PIK3C2A: variants seen among roughly 807,000 people sequenced by gnomAD.
PIK3C2A encodes phosphatidylinositol-4-phosphate 3-kinase catalytic subunit type 2 alpha.
PIK3C2A carries 97 observed loss-of-function variants against 204.5 expected under a neutral mutation model. The ratio of observed to expected loss-of-function variants is 0.47; its 90% CI spans 0.40 to 0.56. The LOEUF (loss-of-function observed/expected upper bound fraction) is 0.56. Ranked by LOEUF, PIK3C2A falls within the 20% of genes least tolerant of loss-of-function variation. The pLI, the probability that PIK3C2A is intolerant of heterozygous loss-of-function variation, is 0.00. For missense variants in PIK3C2A, 1,735 were observed against 1,969.2 expected (o/e 0.88, Z 2.25); for synonymous variants, 653 against 664.4 (o/e 0.98, Z 0.26).
At chr11:17,146,425 A>G (rs1449127090) in intron 6 of PIK3C2A, among the ~76,000 whole-genome samples, 1 of 152,092 alleles carries the variant, frequency 6.6e-6, no homozygotes, top group Non-Finnish European at 1.5e-5. Context: ...CAAGAACATC[A>G]TTCCTGACAG....
intron 22 of PIK3C2A, 51 bp from the exon 23 acceptor site, chr11:17,105,356 C>T (rs1848776130): frequency 6.9e-7 from 1 of 1,456,500 alleles, no homozygotes; most frequent in Non-Finnish European, 9.4e-7. Flanking sequence ...CAAAGTAAGC[C>T]TTTAAACATT....
chr11:17,125,200 G>A (rs536393663), intron 13 of PIK3C2A, among the ~76,000 whole-genome samples: 6 of 152,224 alleles, frequency 3.9e-5, no homozygotes, highest in East Asian at 3.9e-4. Flanking sequence ...CAAAAAAGGC[G>A]GCACTGATGA....
intron 1 of PIK3C2A, among the ~76,000 whole-genome samples, chr11:17,185,702 C>T (rs1049723448): frequency 1.4e-4 from 22 of 152,170 alleles, no homozygotes; most frequent in Non-Finnish European, 2.9e-4. Flanking sequence ...GTCACTATAT[C>T]AGATACTTAC....
chr11:17,117,570 A>G lies in PIK3C2A; in HGVS notation c.3137T>C (p.Leu1046Pro). The G allele has an allele frequency of 6.2e-7, 1 of 1,613,882 alleles. No individual in the cohort carries two copies. The highest frequency in any genetic ancestry group is 8.5e-7 in the Non-Finnish European group (1 of 1,179,814). The change falls in exon 19 of 33, where the codon CTT (leucine) becomes CCT (proline). Residue 1046 changes from leucine (L) to proline (P), a missense_variant. Around this residue, in one of 6 missense-constraint regions of PIK3C2A, gnomAD observed 567 missense variants for 576.0 expected, o/e 0.98. Coordinates refer to ENST00000691414, the MANE Select transcript of PIK3C2A (RefSeq NM_002645.4). ...CTGTACAAGTTTCGTCTGTTTTAGA[A>G]GTTCTTCTCTAAGTCGTTTTCCTCC... ...SVGGKRLREELLKQTKLVQLL... is the reference protein window; with the variant it reads ...SVGGKRLREEPLKQTKLVQLL...
At chr11:17,195,242 G>T (rs545290714) in intron 1 of PIK3C2A, among the ~76,000 whole-genome samples, 177 of 149,754 alleles carry the variant, frequency 1.2e-3, no homozygotes, top group African/African-American at 4.1e-3. Flanking sequence ...GTGAAACCCT[G>T]TCTCTACTAA....
intron 27 of PIK3C2A, among the ~76,000 whole-genome samples, chr11:17,095,393 G>A (rs543166223): frequency 2.0e-5 from 3 of 148,324 alleles, no homozygotes; most frequent in African/African-American, 7.4e-5. Context: ...GGCTAACATG[G>A]TGAAATCCTG....
At chr11:17,093,719 C>A (rs903903514) in intron 28 of PIK3C2A, among the ~76,000 whole-genome samples, 5 of 151,738 alleles carry the variant, frequency 3.3e-5, no homozygotes, top group Non-Finnish European at 2.9e-5. Context: ...CTCACTGCAA[C>A]CTCCACATCC....
chr11:17,191,139 A>G (rs913116483), intron 1 of PIK3C2A, among the ~76,000 whole-genome samples: 3 of 152,206 alleles, frequency 2.0e-5, no homozygotes, highest in African/African-American at 4.8e-5. Context: ...GTCTGTTCCT[A>G]AAGAAACCAT....
At chr11:17,154,932 T>C (rs554902726) in intron 3 of PIK3C2A, among the ~76,000 whole-genome samples, 1 of 152,200 alleles carries the variant, frequency 6.6e-6, no homozygotes, top group East Asian at 1.9e-4. Flanking sequence ...TATAGTGATA[T>C]AATGGGAAGA....
At chr11:17,183,471 T>C (rs564595426) in intron 1 of PIK3C2A, among the ~76,000 whole-genome samples, 50 of 151,630 alleles carry the variant, frequency 3.3e-4, no homozygotes, top group African/African-American at 1.2e-3. Flanking sequence ...AGGTCAGGAG[T>C]TTGAGACCAG....
chr11:17,168,334 C>T (rs1340435592), intron 2 of PIK3C2A, among the ~76,000 whole-genome samples: 1 of 152,186 alleles, frequency 6.6e-6, no homozygotes, highest in Non-Finnish European at 1.5e-5. Flanking sequence ...GTAATCTCAG[C>T]ACTTTGGGAG....
chr11:17,203,230 T>C (rs1565312253), intron 1 of PIK3C2A, among the ~76,000 whole-genome samples: 1 of 151,942 alleles, frequency 6.6e-6, no homozygotes, highest in South Asian at 2.1e-4. Context: ...CAGTGGCTCA[T>C]GCCTGTAATC....
intron 1 of PIK3C2A, among the ~76,000 whole-genome samples, chr11:17,183,430 C>T (rs573097016): frequency 6.6e-6 from 1 of 152,244 alleles, no homozygotes; most frequent in East Asian, 1.9e-4. Flanking sequence ...AATCCCAGAA[C>T]TTTGGGAGGC....
rs66708666 is a variant in PIK3C2A, at chr11:17,089,650, AGTGTGT to A, written c.*82_*87del. 3 of 698,910 alleles carry A rather than the reference AGTGTGT, an allele frequency of 4.3e-6. No homozygotes were observed. The highest frequency in any genetic ancestry group is 5.5e-5 in the Admixed American group (2 of 36,212). The allele number at this position is 698,910 out of a possible 1,614,324, so 43.3% of individuals were successfully genotyped here. On this transcript the variant is annotated 3_prime_UTR_variant, in exon 33 of 33. Transcript: ENST00000691414. ...ATAAAAATACTATACAAAATTAACA[AGTGTGT>A]GTGTGTGTGTCTGTGTGTGTGTGCA...
rs770450569 is a variant in PIK3C2A at position 17,155,600 on chromosome 11, T to G, written c.1095A>C (p.Pro365=). 19 of 1,607,590 alleles carry G rather than the reference T, an allele frequency of 1.2e-5. No individual in the cohort carries two copies. In the Admixed American group the frequency reaches 3.2e-4, roughly 27 times the overall value. Residue 365 remains proline, a synonymous_variant, in exon 3 of 33, where the codon CCA becomes CCC. Coordinates refer to ENST00000691414, the MANE Select transcript of PIK3C2A (RefSeq NM_002645.4). ...CTTCTTGAAGAAGAGAACTTCCAGT[T>G]GGCAAACTACTGGTCCCATTTGGGT... The part of the protein sequence containing the change: ...QKDPNGTSSL[P]TGSSLLQEVE...
intron 1 of PIK3C2A, among the ~76,000 whole-genome samples, chr11:17,192,280 C>G (rs1164883976): frequency 6.6e-6 from 1 of 152,114 alleles, no homozygotes; most frequent in Non-Finnish European, 1.5e-5. Context: ...CAAGCTAAAT[C>G]CAACATTGTG....
At chr11:17,113,380 C>T (rs1416484417) in intron 20 of PIK3C2A, among the ~76,000 whole-genome samples, 2 of 152,088 alleles carry the variant, frequency 1.3e-5, no homozygotes, top group Non-Finnish European at 2.9e-5. Context: ...CCTTTTCCTT[C>T]TTCTAAATCA....
chr11:17,187,367 T>C (rs1207301966), intron 1 of PIK3C2A, among the ~76,000 whole-genome samples: 1 of 152,182 alleles, frequency 6.6e-6, no homozygotes, highest in Non-Finnish European at 1.5e-5. Context: ...CAGTGATGTT[T>C]AAAATAATAG....
chr11:17,120,565 T>G (rs1849338945), intron 15 of PIK3C2A, among the ~76,000 whole-genome samples: 1 of 151,816 alleles, frequency 6.6e-6, no homozygotes, highest in Non-Finnish European at 1.5e-5. Flanking sequence ...ATGAAAAAAT[T>G]CAAACACTGC....
Sources: allele counts gnomAD v4.1 joint callset (sites outside exome capture counted in the v4.1 genomes callset), GRCh38; gene constraint gnomAD v4.1.1; regional missense constraint gnomAD v4.1.1; transcripts MANE v1.5; gene names NCBI Gene and HGNC (gene_info 2026-07-23, HGNC 2026-07-21).